Variants in MAPK10 observed in about 807,000 individuals in gnomAD.
MAPK10 encodes the protein mitogen-activated protein kinase 10, also known as JNK3 alpha protein kinase.
MAPK10 carries 25 observed loss-of-function variants against 59.3 expected under a neutral mutation model. The observed-to-expected ratio is 0.42, with a 90% CI of 0.31 to 0.59. The LOEUF is 0.59. Among genes scored for constraint, MAPK10 ranks in the 20% least tolerant of loss-of-function variants. The probability of loss-of-function intolerance (pLI) is 0.15; values close to 1 mark genes in which losing one functional copy is unlikely to be tolerated. For synonymous variants in MAPK10, 190 were observed against 200.5 expected (o/e 0.95, Z 0.44); for missense variants, 351 against 568.9 (o/e 0.62, Z 3.90).
intron 1 of MAPK10, among the ~76,000 whole-genome samples, chr4:86,477,960 G>A (rs1351410558): frequency 2.6e-5 from 4 of 152,014 alleles, no homozygotes; most frequent in Admixed American, 6.5e-5. Context: ...AAGGCTTCAC[G>A]GACAGCCTCC....
Position 86,342,064 on chromosome 4 carries a change from G to A in MAPK10, c.-7+12466C>T, listed in dbSNP as rs192268488. On this transcript the variant is annotated intron_variant, in intron 2 of 13. Transcript: ENST00000641462. ...TGACCAACAGACTATACAGCCATGGGTTAAACTGAAGAAAACAGCCAAAAT... is the reference window on the plus strand; with the variant it reads ...TGACCAACAGACTATACAGCCATGGATTAAACTGAAGAAAACAGCCAAAAT... 1.3e-3 allele frequency among the ~76,000 whole-genome samples: 198 copies of A among 152,262 alleles called. 1 individual carries two copies. The highest frequency in any genetic ancestry group is 4.2e-3 in the African/African-American group (176 of 41,552).
At chr4:86,382,350 T>C (rs1740859692) in intron 1 of MAPK10, among the ~76,000 whole-genome samples, 1 of 152,266 alleles carries the variant, frequency 6.6e-6, no homozygotes, top group South Asian at 2.1e-4. Context: ...TGGAACCTTC[T>C]CAGAGCACCC....
rs190952293 is a variant in MAPK10 at position 86,042,847 on chromosome 4, T to C, written c.1111-11416A>G. 3.4e-4 allele frequency among the ~76,000 whole-genome samples: 51 copies of C among 152,220 alleles called. 1 individual carries two copies. Among genetic ancestry groups the C allele is most frequent in the African/African-American group, 1.2e-3 (49 of 41,550 alleles). On this transcript the variant is annotated intron_variant, in intron 11 of 13. Transcript: ENST00000641462. Reference sequence around the variant, plus strand: ...GAGCTAAATGGCAGTATTAAGTCCTTACCTATTAATAATTACCTTGAATGC... The same window carrying C: ...GAGCTAAATGGCAGTATTAAGTCCTCACCTATTAATAATTACCTTGAATGC...
At chr4:86,168,417 C>A (rs1055204193) in intron 3 of MAPK10, among the ~76,000 whole-genome samples, 1 of 152,236 alleles carries the variant, frequency 6.6e-6, no homozygotes, top group Non-Finnish European at 1.5e-5. Context: ...ATATCCCGCA[C>A]CTGGCTTGAA....
At chr4:86,033,389 CCTT>C (rs562030356) in intron 11 of MAPK10, among the ~76,000 whole-genome samples, 2 of 152,336 alleles carry the variant, frequency 1.3e-5, no homozygotes, top group East Asian at 1.9e-4. Context: ...GTTGGCACCT[CCTT>C]CTTCTTCTAA....
upstream of MAPK10, among the ~76,000 whole-genome samples, chr4:86,364,500 C>T (rs972677282): frequency 4.6e-5 from 7 of 152,130 alleles, no homozygotes; most frequent in Non-Finnish European, 8.8e-5. Context: ...TGATAGATTC[C>T]AACCTTCCAC....
At chr4:86,381,260 C>T (rs981946124) in intron 1 of MAPK10, among the ~76,000 whole-genome samples, 2 of 152,122 alleles carry the variant, frequency 1.3e-5, no homozygotes, top group African/African-American at 4.8e-5. Context: ...CCCTCCTGGC[C>T]TTGTAACATG....
At chr4:86,051,034 G>A (rs1450293135) in intron 11 of MAPK10, among the ~76,000 whole-genome samples, 2 of 152,156 alleles carry the variant, frequency 1.3e-5, no homozygotes, top group African/African-American at 4.8e-5. Context: ...ATTAGAAACT[G>A]TGGGGAGCAT....
intron 2 of MAPK10, among the ~76,000 whole-genome samples, chr4:86,221,372 A>G (rs758385076): frequency 1.3e-5 from 2 of 152,232 alleles, no homozygotes; most frequent in Non-Finnish European, 1.5e-5. Flanking sequence ...CAAACAAGGC[A>G]GTGTAGAAAT....
Position 86,583,150 on chromosome 4 carries a change from T to C in MAPK10, c.-263+10760A>G, listed in dbSNP as rs181461350. ...GTACCTAAGTAGTTTACTTAGGTAG[T>C]ACAGTTACCTAAGTAAACTAACATA... On this transcript the variant is annotated intron_variant, in intron 1 of 4. Transcript: ENST00000502302. 3.3e-3 allele frequency among the ~76,000 whole-genome samples: 505 copies of C among 152,252 alleles called. 1 individual carries two copies. Among genetic ancestry groups the C allele is most frequent in the African/African-American group, 0.012 (488 of 41,558 alleles).
At chr4:86,512,269 T>C (rs1286830662) in intron 1 of MAPK10, among the ~76,000 whole-genome samples, 1 of 152,248 alleles carries the variant, frequency 6.6e-6, no homozygotes, top group Non-Finnish European at 1.5e-5. Context: ...AGTATTCTTA[T>C]GGCTGTATGG....
chr4:86,483,086 C>A (rs1753725246), intron 1 of MAPK10, among the ~76,000 whole-genome samples: 1 of 152,190 alleles, frequency 6.6e-6, no homozygotes. Flanking sequence ...TGTAGTTCCT[C>A]TCTTCCTCTT....
At chr4:86,423,580 T>C (rs1346762295) in intron 1 of MAPK10, among the ~76,000 whole-genome samples, 1 of 151,928 alleles carries the variant, frequency 6.6e-6, no homozygotes, top group African/African-American at 2.4e-5. Context: ...CAGGTTTTAA[T>C]GTGGCCTAGG....
chr4:86,032,485 T>C (rs1371319438), intron 11 of MAPK10: 1 of 152,162 alleles, frequency 6.6e-6, no homozygotes, highest in Non-Finnish European at 1.5e-5. Context: ...CCAAAAGCAA[T>C]AGTTTTTGTG....
chr4:86,268,147 T>C (rs1415703302), intron 2 of MAPK10: 1 of 152,118 alleles, frequency 6.6e-6, no homozygotes, highest in African/African-American at 2.4e-5. Flanking sequence ...TCACCTACCT[T>C]TTGTCATCTC....
In MAPK10 at chr4:86,394,353, G is replaced by A. The variant is rs1742639851; in HGVS notation, c.-121-39709C>T. ...GAGCAAATAAAAATATGTCATACTT[G>A]ACTTACCAATATTTCAGAATGAAAG... On this transcript the variant is annotated intron_variant, in intron 1 of 13. Transcript: ENST00000361569. 2.0e-5 allele frequency among the ~76,000 whole-genome samples: 3 copies of A among 152,126 alleles called. No individual in the cohort carries two copies. The South Asian group carries it at 6.2e-4, about 32-fold the overall frequency.
chr4:86,385,721 T>C (rs1325410182), intron 1 of MAPK10, among the ~76,000 whole-genome samples: 1 of 152,102 alleles, frequency 6.6e-6, no homozygotes, highest in Non-Finnish European at 1.5e-5. Context: ...ATCAAAAGAT[T>C]CCCTGTAGAT....
At chr4:86,267,289 C>T (rs2094282521) in intron 2 of MAPK10, among the ~76,000 whole-genome samples, 2 of 152,142 alleles carry the variant, frequency 1.3e-5, no homozygotes, top group African/African-American at 2.4e-5. Flanking sequence ...TCTAACAAAG[C>T]GTCAGAATCA....
intron 2 of MAPK10, among the ~76,000 whole-genome samples, chr4:86,201,080 G>A (rs1018226272): frequency 1.3e-5 from 2 of 151,738 alleles, no homozygotes; most frequent in African/African-American, 4.8e-5. Context: ...TCCCACATAT[G>A]AGTGAGAACA....
Sources: gnomAD v4.1 joint callset for allele counts (sites outside exome capture counted in the v4.1 genomes callset) on GRCh38, gnomAD v4.1.1 for gene constraint, MANE v1.5 for transcripts, NCBI Gene and HGNC (gene_info 2026-07-23, HGNC 2026-07-21) for gene names.